Variants in REC114 observed in about 807,000 individuals in gnomAD.
REC114 encodes the protein meiotic recombination protein REC114.
Under a neutral mutation model 31.3 loss-of-function variants are expected in REC114, and 27 were observed. The observed-to-expected ratio is 0.86, with a 90% confidence interval of 0.64 to 1.19. The LOEUF (loss-of-function observed/expected upper bound fraction) is 1.19. Among genes scored for constraint, REC114 ranks in the 50% most tolerant of loss-of-function variants. The pLI is 0.00. For synonymous variants in REC114, 134 were observed against 127.7 expected (o/e 1.05, Z -0.33); for missense variants, 344 against 326.9 (o/e 1.05, Z -0.40).
intron 2 of REC114, among the ~76,000 whole-genome samples, chr15:73,484,129 A>C (rs186182511): frequency 2.0e-5 from 3 of 152,310 alleles, no homozygotes; most frequent in Non-Finnish European, 1.5e-5. Context: ...ACATGCATAC[A>C]CATCCTCCAC....
intron 2 of REC114, among the ~76,000 whole-genome samples, chr15:73,505,024 G>A (rs965439917): frequency 2.6e-5 from 4 of 151,926 alleles, no homozygotes; most frequent in African/African-American, 9.7e-5. Flanking sequence ...TGCATTTGCT[G>A]TCCTCACAAG....
chr15:73,529,817 T>A (rs1894052855), intron 2 of REC114, among the ~76,000 whole-genome samples: 1 of 152,138 alleles, frequency 6.6e-6, no homozygotes, highest in South Asian at 2.1e-4. Context: ...TCCCCTAGAC[T>A]CCCAGCTCCT....
At chr15:73,526,538 T>C (rs1463914793) in intron 2 of REC114, among the ~76,000 whole-genome samples, 3 of 152,212 alleles carry the variant, frequency 2.0e-5, no homozygotes, top group Non-Finnish European at 4.4e-5. Flanking sequence ...TCACAGTCTG[T>C]CTTCAAATAT....
rs368619270 is a variant in REC114, at chr15:73,559,831, G to A, written c.716G>A (p.Arg239His). The A allele has an allele frequency of 1.3e-5, 21 of 1,612,662 alleles. No homozygotes were observed. Among genetic ancestry groups the A allele is most frequent in the Middle Eastern group, 3.3e-4 (2 of 6,058 alleles). The change falls in exon 6 of 6, where the codon CGT becomes CAT. Residue 239 changes from arginine (R) to histidine (H), a missense_variant. Physicochemically the swap from Arg to His is conservative, Grantham distance 29 (BLOSUM62 0). Coordinates refer to ENST00000331090, the MANE Select transcript of REC114 (RefSeq NM_001042367.2). ...GCAGAAGAGTTAGGCCCCTTCCTAC[G>A]TTTGTGCCTTATGGATCAGAATTTC... ...WGAEELGPFL[R>H]LCLMDQNFPA...
chr15:73,506,831 G>A (rs1893684807), intron 2 of REC114, among the ~76,000 whole-genome samples: 1 of 152,054 alleles, frequency 6.6e-6, no homozygotes, highest in Admixed American at 6.5e-5. Flanking sequence ...TGACATTCTG[G>A]CCTTAGAAAG....
At chr15:73,478,061 C>T (rs994827075) in intron 2 of REC114, among the ~76,000 whole-genome samples, 2 of 151,722 alleles carry the variant, frequency 1.3e-5, no homozygotes, top group Admixed American at 1.3e-4. Flanking sequence ...ATCAGGAGTT[C>T]GAGACCAGCC....
rs60331328 is a variant in REC114, at chr15:73,489,200, CTT to C, written c.249+15299_249+15300del. ...CATTTTCTGAATGCCCCTCCCCCAC[CTT>C]TTTTTTTTTTTTTTTTTTTGAGACA... On this transcript the variant is annotated intron_variant, in intron 2 of 5. Transcript: ENST00000331090. Among the ~76,000 whole-genome samples, 236 of 126,224 alleles carry C rather than the reference CTT, an allele frequency of 1.9e-3. No individual in the cohort carries two copies. The East Asian group carries it at 0.023, about 12-fold the overall frequency. 82.8% of individuals were successfully genotyped at this position (126,224 alleles called of 152,430 possible). A position where few individuals can be genotyped will look rare whatever the true frequency, so the allele number is the denominator to read the frequency against.
At chr15:73,476,578 A>T (rs1893218059) in intron 2 of REC114, among the ~76,000 whole-genome samples, 1 of 152,206 alleles carries the variant, frequency 6.6e-6, no homozygotes, top group Non-Finnish European at 1.5e-5. Flanking sequence ...TAATTAACAT[A>T]TGCATTACCT....
intron 1 of REC114, among the ~76,000 whole-genome samples, chr15:73,451,510 G>T (rs1595858637): frequency 6.6e-6 from 1 of 152,246 alleles, no homozygotes; most frequent in East Asian, 1.9e-4. Flanking sequence ...ACTAAAAAAA[G>T]TCCAGAACCA....
chr15:73,489,116 C>T (rs1029323849), intron 2 of REC114, among the ~76,000 whole-genome samples: 1 of 152,008 alleles, frequency 6.6e-6, no homozygotes, highest in African/African-American at 2.4e-5. Flanking sequence ...TTTGCTACAT[C>T]CTCCATAGGG....
intron 2 of REC114, among the ~76,000 whole-genome samples, chr15:73,509,208 T>C (rs1893727820): frequency 6.6e-6 from 1 of 151,900 alleles, no homozygotes; most frequent in African/African-American, 2.4e-5. Context: ...ATGATGAGCA[T>C]TTTTTCATGT....
At chr15:73,514,287 G>C (rs9707929) in intron 2 of REC114, among the ~76,000 whole-genome samples, 1 of 150,868 alleles carries the variant, frequency 6.6e-6, no homozygotes, top group Non-Finnish European at 1.5e-5. Context: ...AGGCAATGCC[G>C]CGCCCTGCTT....
At chr15:73,520,703 G>A (rs766580297) in intron 2 of REC114, among the ~76,000 whole-genome samples, 5 of 152,080 alleles carry the variant, frequency 3.3e-5, no homozygotes, top group Non-Finnish European at 5.9e-5. Flanking sequence ...TAATAGATTT[G>A]TATGATTAAC....
At chr15:73,541,363 T>C (rs969635114) in intron 3 of REC114, among the ~76,000 whole-genome samples, 3 of 152,248 alleles carry the variant, frequency 2.0e-5, no homozygotes, top group African/African-American at 7.2e-5. Flanking sequence ...TTTCAGTTGT[T>C]TCTGACATCT....
rs544086763 is a variant in REC114, at chr15:73,455,798, A to G, written c.159+12454A>G. The stretch of plus-strand genomic sequence containing the variant: ...TTTAGAGCTGTGCTACCCAGACCTT[A>G]ATGTGCATAGAAATCATCTGAGGGT... On this transcript the variant is annotated intron_variant, in intron 1 of 5. Transcript: ENST00000331090. Among the ~76,000 whole-genome samples, 26 of 152,252 alleles carry G rather than the reference A, an allele frequency of 1.7e-4. No homozygotes were observed. The South Asian group carries it at 2.9e-3, about 17-fold the overall frequency.
At chr15:73,498,197 G>C (rs1893554955) in intron 2 of REC114, among the ~76,000 whole-genome samples, 1 of 151,366 alleles carries the variant, frequency 6.6e-6, no homozygotes, top group Non-Finnish European at 1.5e-5. Context: ...AGTCTTTTTA[G>C]ATACCTATGA....
intron 2 of REC114, among the ~76,000 whole-genome samples, chr15:73,504,786 CTATT>C (rs1042266800): frequency 1.3e-5 from 2 of 152,054 alleles, no homozygotes; most frequent in Admixed American, 6.6e-5. Flanking sequence ...AAAAAATTGA[CTATT>C]CATGAATTAT....
At chr15:73,543,419 TC>T (rs1894266567) in intron 3 of REC114, among the ~76,000 whole-genome samples, 4 of 152,072 alleles carry the variant, frequency 2.6e-5, no homozygotes, top group Admixed American at 2.6e-4. Flanking sequence ...TGCAACCTCC[TC>T]CCGTGTTCAA....
At chr15:73,535,262 A>AT (rs1894139423) in intron 2 of REC114, among the ~76,000 whole-genome samples, 1 of 151,666 alleles carries the variant, frequency 6.6e-6, no homozygotes. Context: ...AGACGACGTG[A>AT]TTGTATATCT....
Sources: allele counts gnomAD v4.1 joint callset (sites outside exome capture counted in the v4.1 genomes callset), GRCh38; gene constraint gnomAD v4.1.1; transcripts MANE v1.5; gene names NCBI Gene and HGNC (gene_info 2026-07-23, HGNC 2026-07-21).